DIAPH3: variants seen among roughly 807,000 people sequenced by gnomAD.
The protein encoded by DIAPH3 is protein diaphanous homolog 3.
DIAPH3 carries 117 observed loss-of-function variants against 144.3 expected under a neutral mutation model. The ratio of observed to expected loss-of-function variants is 0.81; its 90% CI spans 0.70 to 0.95. The LOEUF (loss-of-function observed/expected upper bound fraction) is 0.95, where lower values mean the gene tolerates loss of function less well. DIAPH3 is among the 40% of genes least tolerant of loss of function. The pLI is 0.00. For missense variants in DIAPH3, 1,421 were observed against 1,412.7 expected, an observed-to-expected ratio of 1.01 and a Z score of -0.09; for synonymous variants, 519 against 488.9, an observed-to-expected ratio of 1.06 and a Z score of -0.81.
At chr13:60,095,612 G>GT (rs1310482096) in intron 3 of DIAPH3, among the ~76,000 whole-genome samples, 4 of 143,738 alleles carry the variant, frequency 2.8e-5, no homozygotes, top group Non-Finnish European at 6.2e-5. Flanking sequence ...GCTGTTTTTT[G>GT]TGTTTTTTTT....
At chr13:60,028,815 CT>C (rs1643935563) in intron 5 of DIAPH3, among the ~76,000 whole-genome samples, 1 of 152,180 alleles carries the variant, frequency 6.6e-6, no homozygotes, top group South Asian at 2.1e-4. Flanking sequence ...AATTCCAGCA[CT>C]TTGGGAGGCC....
intron 27 of DIAPH3, among the ~76,000 whole-genome samples, chr13:59,734,965 TGAAAGA>T (rs2036071636): frequency 6.6e-6 from 1 of 152,146 alleles, no homozygotes; most frequent in Admixed American, 6.6e-5. Context: ...ACTAAAACTT[TGAAAGA>T]GAAAATTTTA....
At chr13:60,060,969 A>G (rs929981168) in intron 4 of DIAPH3, among the ~76,000 whole-genome samples, 4 of 152,134 alleles carry the variant, frequency 2.6e-5, no homozygotes, top group Admixed American at 2.6e-4. Flanking sequence ...CTCAGAAATA[A>G]GAAAATTCTG....
rs569918978 is a variant in DIAPH3 at position 59,940,246 on chromosome 13, T to C, written c.2075-15376A>G. Reference sequence around the variant, plus strand: ...CACTTTAAACTCAATTACTTTACAATTATGTTTGGCCACCTGACACTTGGG... The same window carrying C: ...CACTTTAAACTCAATTACTTTACAACTATGTTTGGCCACCTGACACTTGGG... On this transcript the variant is annotated intron_variant, in intron 17 of 27. Coordinates refer to ENST00000400324, the MANE Select transcript of DIAPH3 (RefSeq NM_001042517.2). Among the ~76,000 whole-genome samples the C allele has an allele frequency of 5.3e-5, 8 of 152,302 alleles. No individual in the cohort carries two copies. The South Asian group carries it at 1.0e-3, about 20-fold the overall frequency.
At chr13:59,800,862 TA>T (rs2039867734) in intron 25 of DIAPH3, among the ~76,000 whole-genome samples, 1 of 152,146 alleles carries the variant, frequency 6.6e-6, no homozygotes, top group Non-Finnish European at 1.5e-5. Flanking sequence ...AGCAAAATGG[TA>T]AAATAATCTG....
intron 23 of DIAPH3, among the ~76,000 whole-genome samples, chr13:59,835,821 T>G (rs1462253914): frequency 6.6e-6 from 1 of 151,820 alleles, no homozygotes; most frequent in Non-Finnish European, 1.5e-5. Flanking sequence ...AAGTTCAACA[T>G]ACTAAATTCC....
At chr13:59,765,302 T>C (rs1334527163) in intron 27 of DIAPH3, among the ~76,000 whole-genome samples, 3 of 152,180 alleles carry the variant, frequency 2.0e-5, no homozygotes, top group Admixed American at 6.5e-5. Context: ...TAACTTTCTA[T>C]TGGCAAATGT....
At chr13:59,939,957 C>T (rs187173155) in intron 17 of DIAPH3, among the ~76,000 whole-genome samples, 7 of 151,662 alleles carry the variant, frequency 4.6e-5, no homozygotes, top group Admixed American at 1.3e-4. Context: ...TCCTTCAAGC[C>T]CCAACAAAAA....
intron 25 of DIAPH3, among the ~76,000 whole-genome samples, chr13:59,776,576 A>G (rs2038423798): frequency 6.6e-6 from 1 of 152,120 alleles, no homozygotes; most frequent in Admixed American, 6.6e-5. Context: ...AAATCCTAGT[A>G]CTGAAATCAA....
At chr13:60,068,596 AC>A (rs2057068406) in intron 4 of DIAPH3, among the ~76,000 whole-genome samples, 2 of 152,092 alleles carry the variant, frequency 1.3e-5, no homozygotes, top group Admixed American at 1.3e-4. Context: ...TTATTTTGCC[AC>A]CCAGGCAATG....
intron 27 of DIAPH3, among the ~76,000 whole-genome samples, chr13:59,684,140 C>A (rs1273262644): frequency 2.0e-5 from 3 of 151,830 alleles, no homozygotes; most frequent in Non-Finnish European, 4.4e-5. Flanking sequence ...TTCTTCTGGG[C>A]CTTCTTAAGA....
Position 60,112,003 on chromosome 13 carries a change from T to C in DIAPH3, c.390+7A>G. The C allele has an allele frequency of 6.2e-7, 1 of 1,613,836 alleles. No individual in the cohort carries two copies. The highest frequency in any genetic ancestry group is 8.5e-7 in the Non-Finnish European group (1 of 1,179,804). On this transcript the variant is annotated splice_region_variant and intron_variant, in intron 3 of 27. Coordinates refer to ENST00000400324, the MANE Select transcript of DIAPH3 (RefSeq NM_001042517.2). ...TCAAACATTTCCTAAAGAATCAAAA[T>C]TCTTACCATCATTTTTTCAAAAAGT...
At chr13:59,836,215 A>G (rs2042036326) in intron 23 of DIAPH3, among the ~76,000 whole-genome samples, 1 of 151,834 alleles carries the variant, frequency 6.6e-6, no homozygotes, top group African/African-American at 2.4e-5. Flanking sequence ...TCTCCTTAAA[A>G]TAAGACATAT....
intron 17 of DIAPH3, among the ~76,000 whole-genome samples, chr13:59,949,396 A>G (rs1264923269): frequency 6.6e-6 from 1 of 152,186 alleles, no homozygotes; most frequent in Non-Finnish European, 1.5e-5. Flanking sequence ...ATAACAGTCT[A>G]TATCTCTAGT....
rs1593576626 is a variant in DIAPH3, at chr13:59,685,775, GCAGGAGATCTAAGCAGCTA to G, written c.3320-18948_3320-18930del. 6.6e-5 allele frequency among the ~76,000 whole-genome samples: 10 copies of G among 152,212 alleles called. No individual in the cohort carries two copies. The South Asian group carries it at 1.7e-3, about 25-fold the overall frequency. ...TAGAAGAAAATAATATACTGGAGCT[GCAGGAGATCTAAGCAGCTA>G]CAGGCTTAAAGATTTTGTAGTAACA... On this transcript the variant is annotated intron_variant, in intron 27 of 27. Coordinates refer to ENST00000400324, the MANE Select transcript of DIAPH3 (RefSeq NM_001042517.2).
chr13:59,716,334 C>T (rs547285077), intron 27 of DIAPH3, among the ~76,000 whole-genome samples: 9 of 152,258 alleles, frequency 5.9e-5, no homozygotes, highest in African/African-American at 1.9e-4. Context: ...CGCCACCACG[C>T]CCGGCTAATT....
At chr13:60,151,386 G>A (rs780366158) in intron 1 of DIAPH3, among the ~76,000 whole-genome samples, 1 of 152,148 alleles carries the variant, frequency 6.6e-6, no homozygotes, top group Non-Finnish European at 1.5e-5. Flanking sequence ...TCTCTCTCAA[G>A]TCTTTTTATC....
intron 21 of DIAPH3, among the ~76,000 whole-genome samples, chr13:59,871,277 T>C (rs969046955): frequency 6.6e-6 from 1 of 151,930 alleles, no homozygotes; most frequent in East Asian, 1.9e-4. Context: ...CCCCAATCTT[T>C]ATAGCTTTTA....
chr13:59,671,140 G>A (rs555127585), intron 27 of DIAPH3, among the ~76,000 whole-genome samples: 8 of 152,306 alleles, frequency 5.3e-5, no homozygotes, highest in African/African-American at 1.7e-4. Flanking sequence ...CATGCACTTA[G>A]TTTCTAAATG....
Sources: gnomAD v4.1 joint callset for allele counts (sites outside exome capture counted in the v4.1 genomes callset) on GRCh38, gnomAD v4.1.1 for gene constraint, MANE v1.5 for transcripts, NCBI Gene and HGNC (gene_info 2026-07-23, HGNC 2026-07-21) for gene names.